The following VEPH1 variants were observed in gnomAD, a reference collection of about 807,000 sequenced individuals.
The protein encoded by VEPH1 is ventricular zone-expressed PH domain-containing protein homolog 1.
VEPH1 carries 80 observed loss-of-function variants against 85.2 expected under a neutral mutation model. That is an observed-to-expected ratio of 0.94 (90% CI 0.78 to 1.13). The LOEUF (loss-of-function observed/expected upper bound fraction) is 1.13. VEPH1 is among the 50% of genes most tolerant of loss of function. The pLI, the probability that VEPH1 is intolerant of heterozygous loss-of-function variation, is 0.00. For synonymous variants in VEPH1, 297 were observed against 348.0 expected (o/e 0.85, Z 1.63); for missense variants, 955 against 980.5 (o/e 0.97, Z 0.35).
intron 7 of VEPH1, among the ~76,000 whole-genome samples, chr3:157,371,753 T>G (rs569071347): frequency 6.6e-6 from 1 of 152,290 alleles, no homozygotes; most frequent in Non-Finnish European, 1.5e-5. Flanking sequence ...ATCTGTGGAT[T>G]ATTTGGAGTT....
chr3:157,305,036 A>ATCTATCTATCTATC (rs1719307763), intron 11 of VEPH1, among the ~76,000 whole-genome samples: 21 of 139,572 alleles, frequency 1.5e-4, no homozygotes, highest in African/African-American at 5.1e-4. Context: ...GTGTATTGTT[A>ATCTATCTATCTATC]TATCTATCTA....
intron 2 of VEPH1, among the ~76,000 whole-genome samples, chr3:157,484,124 A>ATGTGCTATTTC: frequency 6.6e-6 from 1 of 152,328 alleles, no homozygotes; most frequent in South Asian, 2.1e-4. Flanking sequence ...TAGCAATTAA[A>ATGTGCTATTTC]ATGACAGCAC....
intron 12 of VEPH1, among the ~76,000 whole-genome samples, chr3:157,279,997 A>G (rs1310550060): frequency 7.0e-6 from 1 of 142,466 alleles, no homozygotes; most frequent in Non-Finnish European, 1.5e-5. Context: ...GCCTGGCGAC[A>G]GAGCAAGACT....
chr3:157,460,237 G>T lies in VEPH1; in HGVS notation c.473C>A (p.Thr158Asn), dbSNP rs143737323. The T allele has an allele frequency of 9.6e-4, 1,546 of 1,614,104 alleles. 1 individual carries two copies. Among genetic ancestry groups the T allele is most frequent in the Non-Finnish European group, 1.2e-3 (1,432 of 1,180,010 alleles). Reference protein sequence around the residue: ...MSNYLSLAAITKADLLADHTE... With the variant: ...MSNYLSLAAINKADLLADHTE... ...GTGATCAGCCAGGAGATCTGCCTTG[G>T]TAATTGCAGCCAGAGACAGGTAGTT... Residue 158 changes from threonine (T) to asparagine (N), a missense_variant, in exon 4 of 14, where the codon ACC (threonine) becomes AAC (asparagine). Transcript: ENST00000362010.
At chr3:157,272,596 C>A (rs953138883) in intron 12 of VEPH1, among the ~76,000 whole-genome samples, 2 of 150,054 alleles carry the variant, frequency 1.3e-5, no homozygotes, top group Non-Finnish European at 3.0e-5. Context: ...TAGCTGGGAC[C>A]ACAGGCACGT....
At chr3:157,440,761 C>T (rs1734056264) in intron 4 of VEPH1, among the ~76,000 whole-genome samples, 1 of 152,086 alleles carries the variant, frequency 6.6e-6, no homozygotes, top group Non-Finnish European at 1.5e-5. Flanking sequence ...TTCGTTTCAG[C>T]ATCTCCAGCT....
At position 157,413,994 on chromosome 3, in the gene VEPH1, C is replaced by T. The variant is rs753616027; in HGVS notation, c.793G>A (p.Glu265Lys). The T allele has an allele frequency of 1.2e-6, 2 of 1,613,556 alleles. No homozygotes were observed. Among genetic ancestry groups the T allele is most frequent in the Non-Finnish European group, 1.7e-6 (2 of 1,179,702 alleles). Residue 265 changes from glutamate (E) to lysine (K), a missense_variant, in exon 6 of 14, where the codon GAG becomes AAG. Coordinates refer to ENST00000362010, the MANE Select transcript of VEPH1 (RefSeq NM_001167912.2). ...LNILIEIAVY[E>K]PVALNSFLPM... Reference sequence around the variant, plus strand: ...AGAAAACTGTTCAAAGCCACTGGCTCATAGACTGCTATCTCTATGAGGATG... The same window carrying T: ...AGAAAACTGTTCAAAGCCACTGGCTTATAGACTGCTATCTCTATGAGGATG...
chr3:157,353,237 C>A (rs759944009), intron 9 of VEPH1, among the ~76,000 whole-genome samples: 1 of 151,460 alleles, frequency 6.6e-6, no homozygotes, highest in South Asian at 2.1e-4. Context: ...CCCTCCCTCT[C>A]GCTTTCTTCT....
intron 6 of VEPH1, among the ~76,000 whole-genome samples, chr3:157,382,114 C>A (rs964739846): frequency 6.6e-6 from 1 of 152,202 alleles, no homozygotes; most frequent in Non-Finnish European, 1.5e-5. Context: ...CACTAGTGTG[C>A]TAGGTTGATT....
At chr3:157,485,017 G>A (rs1351455443) in intron 2 of VEPH1, among the ~76,000 whole-genome samples, 1 of 152,060 alleles carries the variant, frequency 6.6e-6, no homozygotes, top group Non-Finnish European at 1.5e-5. Flanking sequence ...CAATATCTCA[G>A]TAACAAAAAC....
Position 157,413,981 on chromosome 3 carries a change from A to C in VEPH1, c.806T>G (p.Leu269Trp). ...IEIAVYEPVA[L>W]NSFLPMLKEI... is the part of the protein sequence containing the mutation. ...TTTCAGCATTGGAAGAAAACTGTTC[A>C]AAGCCACTGGCTCATAGACTGCTAT... Residue 269 changes from leucine to tryptophan, a missense_variant, in exon 6 of 14, where the codon TTG (leucine) becomes TGG (tryptophan). Physicochemically the swap from Leu to Trp is moderately conservative, Grantham distance 61. Transcript: ENST00000362010. 6.2e-7 allele frequency: 1 copy of C among 1,613,660 alleles called. No individual in the cohort carries two copies. Among genetic ancestry groups the C allele is most frequent in the Middle Eastern group, 1.7e-4 (1 of 6,050 alleles).
At chr3:157,371,998 A>T (rs944683052) in intron 7 of VEPH1, among the ~76,000 whole-genome samples, 2 of 152,160 alleles carry the variant, frequency 1.3e-5, no homozygotes, top group African/African-American at 4.8e-5. Context: ...AAAGGACTGT[A>T]AAAAACGTAG....
intron 6 of VEPH1, among the ~76,000 whole-genome samples, chr3:157,405,255 A>C (rs1731061248): frequency 6.6e-6 from 1 of 152,148 alleles, no homozygotes; most frequent in South Asian, 2.1e-4. Flanking sequence ...AATTACAGTT[A>C]ATAATTACAA....
chr3:157,489,155 C>T (rs1207370986), intron 2 of VEPH1: 1 of 456,298 alleles, frequency 2.2e-6, no homozygotes, highest in Non-Finnish European at 4.4e-6. Context: ...CTTGCCTTTC[C>T]ACAGACTGTT....
chr3:157,340,804 C>T (rs564851213), intron 9 of VEPH1, among the ~76,000 whole-genome samples: 9 of 152,256 alleles, frequency 5.9e-5, no homozygotes, highest in East Asian at 5.8e-4. Context: ...CTCACACGGC[C>T]GGGTACCCCT....
chr3:157,372,724 A>T (rs542519384), intron 7 of VEPH1, among the ~76,000 whole-genome samples: 8 of 151,978 alleles, frequency 5.3e-5, no homozygotes, highest in East Asian at 1.9e-4. Context: ...TTTTTTTTTT[A>T]AATTTTCATG....
chr3:157,391,535 C>T lies in VEPH1; in HGVS notation c.907-10159G>A, dbSNP rs112023229. ...AAGTCAGCCATTACCAGCGGCATGG[C>T]TGCACAGACACTGTGCAGTCCAAAG... On this transcript the variant is annotated intron_variant, in intron 6 of 13. Transcript: ENST00000362010. Among the ~76,000 whole-genome samples, 544 of 152,342 alleles carry T rather than the reference C, an allele frequency of 3.6e-3. 2 individuals are homozygous for T. Among genetic ancestry groups the T allele is most frequent in the Non-Finnish European group, 6.0e-3 (409 of 68,042 alleles).
At chr3:157,354,788 G>T (rs1425087368) in intron 9 of VEPH1, among the ~76,000 whole-genome samples, 1 of 152,110 alleles carries the variant, frequency 6.6e-6, no homozygotes, top group Non-Finnish European at 1.5e-5. Context: ...AAAACTTAGG[G>T]ACTCAAATTT....
chr3:157,305,710 A>G (rs944092920), intron 11 of VEPH1, among the ~76,000 whole-genome samples: 2 of 152,206 alleles, frequency 1.3e-5, no homozygotes, highest in African/African-American at 4.8e-5. Flanking sequence ...TTACACTTCA[A>G]CTTAGAAACG....
Sources: allele counts gnomAD v4.1 joint callset (sites outside exome capture counted in the v4.1 genomes callset), GRCh38; gene constraint gnomAD v4.1.1; transcripts MANE v1.5; gene names NCBI Gene and HGNC (gene_info 2026-07-23, HGNC 2026-07-21).